Variants in GOSR1 observed in about 807,000 individuals in gnomAD.
GOSR1 encodes golgi SNAP receptor complex member 1.
GOSR1 carries 21 observed loss-of-function variants against 35.5 expected under a neutral mutation model. The ratio of observed to expected loss-of-function variants is 0.59; its 90% CI spans 0.42 to 0.85. The LOEUF (loss-of-function observed/expected upper bound fraction) is 0.85. Among genes scored for constraint, GOSR1 ranks in the 40% least tolerant of loss-of-function variants. The pLI, the probability that GOSR1 is intolerant of heterozygous loss-of-function variation, is 0.00. For synonymous variants in GOSR1, 94 were observed against 106.6 expected, an observed-to-expected ratio of 0.88 and a Z score of 0.73; for missense variants, 285 against 309.6, an observed-to-expected ratio of 0.92 and a Z score of 0.60.
At chr17:30,509,614 GT>G (rs1425099264) in intron 6 of GOSR1, among the ~76,000 whole-genome samples, 1 of 152,224 alleles carries the variant, frequency 6.6e-6, no homozygotes, top group Non-Finnish European at 1.5e-5. Context: ...ATGTCTAGAA[GT>G]TTGTTTTCCT....
At chr17:30,485,025 T>C in intron 4 of GOSR1, 4 of 476,326 alleles carry the variant, frequency 8.4e-6, no homozygotes, top group South Asian at 8.1e-5. Flanking sequence ...ATACTTCCAC[T>C]ATGGGAGACC....
chr17:30,522,090 C>T (rs538843845), intron 8 of GOSR1, among the ~76,000 whole-genome samples, 164 bp from the exon 9 acceptor site: 10 of 152,302 alleles, frequency 6.6e-5, no homozygotes, highest in Middle Eastern at 3.4e-3. Flanking sequence ...AGCGCGTTCC[C>T]GGTTTGGGCA....
At chr17:30,510,515 A>ACCAC (rs1967575094) in intron 6 of GOSR1, 1 of 157,526 alleles carries the variant, frequency 6.3e-6, no homozygotes, top group South Asian at 1.9e-4. Context: ...GGAGTTCAAG[A>ACCAC]CCACCCTGGC....
chr17:30,486,039 AAG>A (rs1491388894), intron 4 of GOSR1, among the ~76,000 whole-genome samples: 4 of 151,858 alleles, frequency 2.6e-5, no homozygotes, highest in Admixed American at 2.6e-4. Context: ...AAAAAAAAAA[AAG>A]TAGGAATAGA....
chr17:30,504,213 G>C (rs1967320255), intron 6 of GOSR1, among the ~76,000 whole-genome samples: 1 of 151,898 alleles, frequency 6.6e-6, no homozygotes, highest in South Asian at 2.1e-4. Flanking sequence ...TTTTAGTAGG[G>C]ACAAGGTTTC....
chr17:30,481,073 TTAG>T, intron 1 of GOSR1, 67 bp from the exon 2 acceptor site: 1 of 995,736 alleles, frequency 1.0e-6, no homozygotes, highest in Non-Finnish European at 1.6e-6. Context: ...TTTGTTTTCT[TTAG>T]AATGGTGCTG....
In GOSR1 at chr17:30,492,750, G is replaced by A. The variant is rs1033349553; in HGVS notation, c.506G>A (p.Arg169Gln). The A allele has an allele frequency of 1.3e-5, 20 of 1,561,978 alleles. No individual in the cohort carries two copies. Among genetic ancestry groups the A allele is most frequent in the African/African-American group, 4.1e-5 (3 of 73,930 alleles). The change falls in exon 6 of 9, where the codon CGA becomes CAA. Residue 169 changes from arginine (R) to glutamine (Q), a missense_variant. Arg to Gln is a conservative substitution (Grantham distance 43). This residue lies in a region of GOSR1 where 168 missense variants were observed against 183.2 expected (regional missense o/e 0.92). Transcript: ENST00000451249. ...ELFLKEHDHL[R>Q]NSDRLIEETI... ...TTTTTGAAAGAACATGACCACCTTC[G>A]AAAGTAGGTATTGAATGTATGTGCA...
chr17:30,519,574 A>G (rs533537306), intron 7 of GOSR1: 32 of 158,432 alleles, frequency 2.0e-4, no homozygotes, highest in Non-Finnish European at 3.2e-4. Flanking sequence ...CTGATTAAAG[A>G]TATTTTAGTA....
At chr17:30,483,287 G>A (rs760941667) in intron 2 of GOSR1, among the ~76,000 whole-genome samples, 2 of 152,058 alleles carry the variant, frequency 1.3e-5, no homozygotes, top group Non-Finnish European at 2.9e-5. Context: ...ATGAATATAT[G>A]AATACAATGA....
chr17:30,485,943 C>G (rs2321856), intron 4 of GOSR1, among the ~76,000 whole-genome samples: 1 of 149,750 alleles, frequency 6.7e-6, no homozygotes, highest in African/African-American at 2.5e-5. Context: ...AAGCTTGAAC[C>G]CAGGAGGCGG....
chr17:30,496,409 C>T (rs769854486), intron 6 of GOSR1, among the ~76,000 whole-genome samples: 21 of 152,228 alleles, frequency 1.4e-4, no homozygotes, highest in Non-Finnish European at 2.6e-4. Context: ...GCTGCTCTGC[C>T]TGACTTGATA....
intron 2 of GOSR1, 112 bp from the exon 3 acceptor site, chr17:30,484,102 T>G: frequency 1.5e-6 from 1 of 685,902 alleles, no homozygotes; most frequent in Non-Finnish European, 2.7e-6. Context: ...AGACCCTATA[T>G]AACATAATCC....
At chr17:30,507,339 A>G (rs1263402528) in intron 6 of GOSR1, among the ~76,000 whole-genome samples, 4 of 152,244 alleles carry the variant, frequency 2.6e-5, no homozygotes, top group Admixed American at 6.5e-5. Context: ...TTCAACCGTC[A>G]TGAATAACTT....
Position 30,525,128 on chromosome 17 carries a change from T to C in GOSR1, c.*2750T>C, listed in dbSNP as rs1486577535. The C allele has an allele frequency of 6.6e-6, 1 of 151,574 alleles. No individual in the cohort carries two copies. Among genetic ancestry groups the C allele is most frequent in the Non-Finnish European group, 1.5e-5 (1 of 68,040 alleles). 9.4% of individuals were successfully genotyped at this position (151,574 alleles called of 1,614,324 possible). On this transcript the variant is annotated 3_prime_UTR_variant, in exon 9 of 9. Coordinates refer to ENST00000451249, the MANE Select transcript of GOSR1 (RefSeq NM_001007025.2). ...CCATTGGAATTCACTGTGGTATTTA[T>C]AGTATTGGCTTCAGTCCGAGCCACA...
At chr17:30,513,722 G>A (rs371605572) in intron 7 of GOSR1, among the ~76,000 whole-genome samples, 9 of 152,090 alleles carry the variant, frequency 5.9e-5, no homozygotes, top group South Asian at 2.1e-4. Context: ...AGGCTGAGGC[G>A]GGAGGACTGC....
At position 30,522,504 on chromosome 17, in the gene GOSR1, A is replaced by C. The variant is rs1968074788; in HGVS notation, c.*126A>C. ...GACCAGCAGGATGAATGCAAGACTG[A>C]CAGTGATGGACTCTGTGACATGGTC... On this transcript the variant is annotated 3_prime_UTR_variant, in exon 9 of 9. Coordinates refer to ENST00000451249, the MANE Select transcript of GOSR1 (RefSeq NM_001007025.2). The C allele has an allele frequency of 3.3e-6, 2 of 610,570 alleles. No individual in the cohort carries two copies. The highest frequency in any genetic ancestry group is 6.0e-5 in the East Asian group (2 of 33,214). 37.8% of individuals were successfully genotyped at this position (610,570 alleles called of 1,614,324 possible).
rs1251938400 is a variant in GOSR1 at position 30,524,404 on chromosome 17, A to AGGT, written c.*2027_*2029dup. 3.9e-5 allele frequency: 6 copies of AGGT among 152,188 alleles called. No homozygotes were observed. The South Asian group carries it at 6.2e-4, about 16-fold the overall frequency. 9.4% of individuals were successfully genotyped at this position (152,188 alleles called of 1,614,324 possible). ...TGATGGACCAGCTTCAGCATGTTTG[A>AGGT]GGTTGTCTGAAATGGAGATCACTGT... is the stretch of plus-strand genomic sequence containing the variant. On this transcript the variant is annotated 3_prime_UTR_variant, in exon 9 of 9. Coordinates refer to ENST00000451249, the MANE Select transcript of GOSR1 (RefSeq NM_001007025.2).
intron 6 of GOSR1, among the ~76,000 whole-genome samples, chr17:30,504,280 A>G (rs1967323247): frequency 6.6e-6 from 1 of 151,952 alleles, no homozygotes; most frequent in African/African-American, 2.4e-5. Flanking sequence ...ACCTGCCTCA[A>G]CCTCGCAAAG....
chr17:30,481,169 G>C lies in GOSR1; in HGVS notation c.58G>C (p.Glu20Gln). 1 of 1,599,682 alleles carries C rather than the reference G, an allele frequency of 6.3e-7. No homozygotes were observed. Among genetic ancestry groups the C allele is most frequent in the Non-Finnish European group, 8.6e-7 (1 of 1,166,912 alleles). Residue 20 changes from glutamate to glutamine, a missense_variant, in exon 2 of 9, where the codon GAA (glutamate) becomes CAA (glutamine). Glu to Gln is a conservative substitution (Grantham distance 29, BLOSUM62 2). This residue lies in a region of GOSR1 where 108 missense variants were observed against 98.9 expected (regional missense o/e 1.09). Coordinates refer to ENST00000451249, the MANE Select transcript of GOSR1 (RefSeq NM_001007025.2). ...TCTCAGGAAACAGGCTCGACAGCTG[G>C]AAAATGAACTTGACCTGAAACTAGT... ...EDLRKQARQL[E>Q]NELDLKLVSF...
Sources: gnomAD v4.1 joint callset for allele counts (sites outside exome capture counted in the v4.1 genomes callset) on GRCh38, gnomAD v4.1.1 for gene constraint, gnomAD v4.1.1 regional missense constraint, MANE v1.5 for transcripts, NCBI Gene and HGNC (gene_info 2026-07-23, HGNC 2026-07-21) for gene names.